CARMIL1: variants seen among roughly 807,000 people sequenced by gnomAD.
CARMIL1 encodes capping protein regulator and myosin 1 linker 1, also known as F-actin-uncapping protein LRRC16A.
CARMIL1 carries 90 observed loss-of-function variants against 177.1 expected under a neutral mutation model. The ratio of observed to expected loss-of-function variants is 0.51; its 90% confidence interval spans 0.43 to 0.61. The LOEUF (loss-of-function observed/expected upper bound fraction) is 0.61. CARMIL1 is among the 20% of genes least tolerant of loss of function. The pLI, the probability that CARMIL1 is intolerant of heterozygous loss-of-function variation, is 0.00. For missense variants in CARMIL1, 1,380 were observed against 1,667.0 expected (o/e 0.83, Z 3.00); for synonymous variants, 577 against 606.2 (o/e 0.95, Z 0.71).
chr6:25,540,008 C>G lies in CARMIL1; in HGVS notation c.2258C>G (p.Ser753Cys). 6.2e-7 allele frequency: 1 copy of G among 1,608,582 alleles called. No homozygotes were observed. Among genetic ancestry groups the G allele is most frequent in the Non-Finnish European group, 8.5e-7 (1 of 1,177,580 alleles). The change falls in exon 26 of 37, where the codon TCC becomes TGC. Residue 753 changes from serine (S) to cysteine (C), a missense_variant. By Grantham distance (112) the Ser-to-Cys change is moderately radical (BLOSUM62 -1). Coordinates refer to ENST00000329474, the MANE Select transcript of CARMIL1 (RefSeq NM_017640.6). ...ASWAGASGLL[S>C]SPIQETLESM... ...TGGGCGGGAGCCAGTGGCTTACTAT[C>G]CAGTCCAATTCAGGAGACCCTGGAA...
chr6:25,606,072 C>T lies in CARMIL1; in HGVS notation c.3646C>T (p.His1216Tyr). ...CTTTTTCATCTTAGTGCCTAAACTG[C>T]ACCCAGGTCTTCCAGAGAACCGCTT... ...SDGGGAVPKL[H>Y]PGLPENRFGL... is the part of the protein sequence containing the mutation. The change falls in exon 35 of 37, where the codon CAC (histidine) becomes TAC (tyrosine). Residue 1216 changes from histidine to tyrosine, a missense_variant. Coordinates refer to ENST00000329474, the MANE Select transcript of CARMIL1 (RefSeq NM_017640.6). 1 of 1,613,360 alleles carries T rather than the reference C, an allele frequency of 6.2e-7. No homozygotes were observed. The highest frequency in any genetic ancestry group is 8.5e-7 in the Non-Finnish European group (1 of 1,179,572).
At chr6:25,324,332 A>G (rs1784906192) in intron 2 of CARMIL1, among the ~76,000 whole-genome samples, 1 of 146,972 alleles carries the variant, frequency 6.8e-6, no homozygotes, top group Admixed American at 6.9e-5. Context: ...AGAATGTGAC[A>G]TCTCAAGATT....
At chr6:25,386,618 C>G (rs78361513) in intron 2 of CARMIL1, among the ~76,000 whole-genome samples, 5,985 of 152,084 alleles carry the variant, frequency 0.039, 436 homozygotes, top group East Asian at 0.28. Flanking sequence ...AAAATGAAAA[C>G]GAACACCGCC....
chr6:25,609,634 A>G (rs565583746), intron 35 of CARMIL1, among the ~76,000 whole-genome samples: 24 of 152,344 alleles, frequency 1.6e-4, no homozygotes, highest in South Asian at 4.1e-4. Flanking sequence ...ATGCATGCAT[A>G]CACATACACA....
chr6:25,300,229 AC>A (rs1418465419), intron 2 of CARMIL1, among the ~76,000 whole-genome samples: 1 of 152,240 alleles, frequency 6.6e-6, no homozygotes, highest in African/African-American at 2.4e-5. Context: ...TATTTAGATA[AC>A]CAAATCTGTA....
rs543123117 is a variant in CARMIL1, at chr6:25,434,854, G to A, written c.250-629G>A. Among the ~76,000 whole-genome samples the A allele has an allele frequency of 3.3e-5, 5 of 152,140 alleles. 1 individual carries two copies. The highest frequency in any genetic ancestry group is 1.9e-4 in the East Asian group (1 of 5,188). ...CATGAGCCACTGTGCCCTGCCGATC[G>A]AAACTTTTAAAAGCATTTCTCTTTT... On this transcript the variant is annotated intron_variant, in intron 4 of 36. Coordinates refer to ENST00000329474, the MANE Select transcript of CARMIL1 (RefSeq NM_017640.6).
rs749788789 is a variant in CARMIL1, at chr6:25,471,222, G to A, written c.744G>A (p.Leu248=). The change falls in exon 10 of 37, where the codon CTG becomes CTA. Residue 248 remains leucine (L), a synonymous_variant. Transcript: ENST00000329474. ...ILRVVSRSNR[L]EELVLENAGL... ...GGGTGGTGAGTAGGTCCAATCGACTGGAAGAATTGGTGTTGGAAAATGCTG... is the reference window on the plus strand; with the variant it reads ...GGGTGGTGAGTAGGTCCAATCGACTAGAAGAATTGGTGTTGGAAAATGCTG... The A allele has an allele frequency of 6.2e-7, 1 of 1,613,224 alleles. No homozygotes were observed. Among genetic ancestry groups the A allele is most frequent in the African/African-American group, 1.3e-5 (1 of 74,880 alleles).
At chr6:25,327,410 C>T (rs1785230499) in intron 2 of CARMIL1, among the ~76,000 whole-genome samples, 1 of 152,204 alleles carries the variant, frequency 6.6e-6, no homozygotes, top group African/African-American at 2.4e-5. Flanking sequence ...TCTATTTGGA[C>T]TGTCAGTGAA....
At chr6:25,550,224 T>C (rs550333547) in intron 26 of CARMIL1, among the ~76,000 whole-genome samples, 1 of 152,330 alleles carries the variant, frequency 6.6e-6, no homozygotes, top group South Asian at 2.1e-4. Flanking sequence ...AAGGATAAAA[T>C]GTGCAGAAAC....
At chr6:25,575,829 A>G (rs1582412532) in intron 29 of CARMIL1, among the ~76,000 whole-genome samples, 1 of 152,306 alleles carries the variant, frequency 6.6e-6, no homozygotes, top group South Asian at 2.1e-4. Context: ...GTTATAGGGA[A>G]TGCTTTTTAC....
chr6:25,580,244 G>T (rs992600276), intron 29 of CARMIL1, among the ~76,000 whole-genome samples: 1 of 152,190 alleles, frequency 6.6e-6, no homozygotes, highest in Non-Finnish European at 1.5e-5. Context: ...TGATCCTATT[G>T]AGGGAGAAGA....
chr6:25,407,642 C>T (rs575156830), intron 2 of CARMIL1, among the ~76,000 whole-genome samples: 8 of 152,198 alleles, frequency 5.3e-5, no homozygotes, highest in South Asian at 4.1e-4. Flanking sequence ...ATGGAATAGG[C>T]GGCTAGGTAA....
chr6:25,291,248 C>T (rs143737081), intron 2 of CARMIL1, among the ~76,000 whole-genome samples: 262 of 151,950 alleles, frequency 1.7e-3, no homozygotes, highest in African/African-American at 5.8e-3. Flanking sequence ...TTTTGGGTAA[C>T]GTATCCCTAA....
chr6:25,459,646 G>A, intron 8 of CARMIL1, among the ~76,000 whole-genome samples: 1 of 152,048 alleles, frequency 6.6e-6, no homozygotes, highest in Non-Finnish European at 1.5e-5. Flanking sequence ...TCAGGAAAAA[G>A]GTTAGTGAAT....
chr6:25,324,349 G>GT (rs34619369), intron 2 of CARMIL1, among the ~76,000 whole-genome samples: 280 of 142,846 alleles, frequency 2.0e-3, no homozygotes, highest in Middle Eastern at 3.5e-3. Context: ...GATTCAACAA[G>GT]TTTTTTTTTT....
intron 2 of CARMIL1, among the ~76,000 whole-genome samples, chr6:25,382,788 C>T (rs987223730): frequency 2.6e-5 from 4 of 152,148 alleles, no homozygotes; most frequent in African/African-American, 7.2e-5. Flanking sequence ...CTGATTGGTG[C>T]GTTTACAATT....
At chr6:25,609,479 A>AAG (rs397731238) in intron 35 of CARMIL1, among the ~76,000 whole-genome samples, 5 of 147,644 alleles carry the variant, frequency 3.4e-5, no homozygotes, top group Non-Finnish European at 7.5e-5. Context: ...AAAAAAAAAA[A>AAG]GAGAGACTAG....
chr6:25,500,175 A>T lies in CARMIL1; in HGVS notation c.1335A>T (p.Leu445Phe). The change falls in exon 17 of 37, where the codon TTA (leucine) becomes TTT (phenylalanine). Residue 445 changes from leucine (L) to phenylalanine (F), a missense_variant. Physicochemically the swap from Leu to Phe is conservative, Grantham distance 22 (BLOSUM62 0). Coordinates refer to ENST00000329474, the MANE Select transcript of CARMIL1 (RefSeq NM_017640.6). ...TGTTTCCTCCCCTCAGAGCACTGTTATTGGGCCTGGCTTGTAATCATAACT... is the reference window on the plus strand; with the variant it reads ...TGTTTCCTCCCCTCAGAGCACTGTTTTTGGGCCTGGCTTGTAATCATAACT... ...KLSPEPLKAL[L>F]LGLACNHNLK... The T allele has an allele frequency of 1.2e-6, 2 of 1,613,770 alleles. No individual in the cohort carries two copies. Among genetic ancestry groups the T allele is most frequent in the Non-Finnish European group, 1.7e-6 (2 of 1,179,802 alleles).
intron 2 of CARMIL1, among the ~76,000 whole-genome samples, chr6:25,318,113 G>A (rs1338367758): frequency 3.3e-5 from 5 of 152,136 alleles, no homozygotes; most frequent in African/African-American, 4.8e-5. Context: ...CTCTAATTTT[G>A]TTCTCAGTTC....
Sources: gnomAD v4.1 joint callset for allele counts (sites outside exome capture counted in the v4.1 genomes callset) on GRCh38, gnomAD v4.1.1 for gene constraint, MANE v1.5 for transcripts, NCBI Gene and HGNC (gene_info 2026-07-23, HGNC 2026-07-21) for gene names.